SBF2: variants seen among roughly 807,000 people sequenced by gnomAD.
SBF2 encodes the protein SET binding factor 2.
Under a neutral mutation model 225.2 loss-of-function variants are expected in SBF2, and 112 were observed. The ratio of observed to expected loss-of-function variants is 0.50; its 90% CI spans 0.43 to 0.58. SBF2 has a LOEUF of 0.58. Among genes scored for constraint, SBF2 ranks in the 20% least tolerant of loss-of-function variants. The pLI, the probability that SBF2 is intolerant of heterozygous loss-of-function variation, is 0.00. For synonymous variants in SBF2, 763 were observed against 773.3 expected (o/e 0.99, Z 0.22); for missense variants, 1,996 against 2,206.2 (o/e 0.90, Z 1.91).
intron 27 of SBF2, among the ~76,000 whole-genome samples, chr11:9,830,015 G>A (rs1455663610): frequency 1.3e-5 from 2 of 152,214 alleles, no homozygotes; most frequent in East Asian, 1.9e-4. Flanking sequence ...AGCCTATAAA[G>A]ATTTGTAGAG....
chr11:10,043,778 T>G (rs974872791), intron 2 of SBF2, among the ~76,000 whole-genome samples: 36 of 152,136 alleles, frequency 2.4e-4, no homozygotes, highest in Non-Finnish European at 4.6e-4. Context: ...CTTTCCATGT[T>G]GTCCAGGCTG....
chr11:10,147,134 T>C (rs916395365), intron 2 of SBF2, among the ~76,000 whole-genome samples: 2 of 151,796 alleles, frequency 1.3e-5, no homozygotes, highest in South Asian at 2.1e-4. Flanking sequence ...TGTAAATTAG[T>C]TCAACCATTG....
chr11:10,004,517 A>C (rs1012749289), intron 6 of SBF2, among the ~76,000 whole-genome samples: 1 of 150,330 alleles, frequency 6.7e-6, no homozygotes, highest in Non-Finnish European at 1.5e-5. Context: ...TCAAGCTAGG[A>C]ACTGCACCAG....
chr11:10,103,966 C>T (rs1215563704), intron 2 of SBF2, among the ~76,000 whole-genome samples: 3 of 152,026 alleles, frequency 2.0e-5, no homozygotes, highest in African/African-American at 7.3e-5. Context: ...ACCTGGAGTC[C>T]ACCCTACTCA....
At chr11:10,230,080 T>C (rs1958764919) in intron 1 of SBF2, among the ~76,000 whole-genome samples, 1 of 152,166 alleles carries the variant, frequency 6.6e-6, no homozygotes, top group African/African-American at 2.4e-5. Context: ...GCCTTCTTTG[T>C]CTCTTTTGAT....
Position 9,998,386 on chromosome 11 carries a change from G to A in SBF2, c.862-7C>T, listed in dbSNP as rs1331644486. 3 of 1,478,070 alleles carry A rather than the reference G, an allele frequency of 2.0e-6. No homozygotes were observed. Among genetic ancestry groups the A allele is most frequent in the Admixed American group, 1.7e-5 (1 of 57,874 alleles). 91.6% of individuals were successfully genotyped at this position (1,478,070 alleles called of 1,614,324 possible). A position where few individuals can be genotyped will look rare whatever the true frequency, so the allele number is the denominator to read the frequency against. ...CTGCTATGATTACATCTAACTGAAA[G>A]AGATAAAAAAATTAACCTATAATTA... On this transcript the variant is annotated splice_polypyrimidine_tract_variant and splice_region_variant and intron_variant, in intron 8 of 39. Transcript: ENST00000256190.
At position 10,263,940 on chromosome 11, in the gene SBF2, A is replaced by G. The variant is rs141049324; in HGVS notation, c.55+30075T>C. On this transcript the variant is annotated intron_variant, in intron 1 of 39. Coordinates refer to ENST00000256190, the MANE Select transcript of SBF2 (RefSeq NM_030962.4). The stretch of plus-strand genomic sequence containing the variant: ...CCAAACAGGTCTTAACAATAACCTG[A>G]TAACTACAAAAATATTCATGATTTA... Among the ~76,000 whole-genome samples the G allele has an allele frequency of 1.6e-4, 24 of 152,348 alleles. No homozygotes were observed. In the East Asian group the frequency reaches 4.6e-3, roughly 29 times the overall value.
At chr11:10,023,663 T>C (rs1007174693) in intron 6 of SBF2, among the ~76,000 whole-genome samples, 4 of 152,198 alleles carry the variant, frequency 2.6e-5, no homozygotes, top group Non-Finnish European at 4.4e-5. Context: ...ACTTAGCATG[T>C]TTCCAAGATT....
intron 2 of SBF2, among the ~76,000 whole-genome samples, chr11:10,101,949 G>C (rs1487019644): frequency 6.6e-6 from 1 of 152,026 alleles, no homozygotes; most frequent in Non-Finnish European, 1.5e-5. Context: ...ACCAATACTA[G>C]ATGAAACTTT....
chr11:10,243,842 G>A lies in SBF2; in HGVS notation c.56-49855C>T, dbSNP rs183060285. On this transcript the variant is annotated intron_variant, in intron 1 of 39. Transcript: ENST00000256190. The stretch of plus-strand genomic sequence containing the variant: ...AACAAAGAAAAGGTCAAGACCAGAT[G>A]ACTTCAGGGATAAATTCTACCAAAC... Among the ~76,000 whole-genome samples, 4 of 152,216 alleles carry A rather than the reference G, an allele frequency of 2.6e-5. No individual in the cohort carries two copies. The East Asian group carries it at 7.7e-4, about 29-fold the overall frequency.
At chr11:9,857,430 G>T (rs1027634444) in intron 18 of SBF2, among the ~76,000 whole-genome samples, 1 of 152,148 alleles carries the variant, frequency 6.6e-6, no homozygotes, top group Non-Finnish European at 1.5e-5. Context: ...ATGATCAAAA[G>T]CACCCCCGAA....
At position 9,877,018 on chromosome 11, in the gene SBF2, C is replaced by T. The variant is rs151130187; in HGVS notation, c.1930-18622G>A. Among the ~76,000 whole-genome samples the T allele has an allele frequency of 6.6e-5, 10 of 152,296 alleles. No individual in the cohort carries two copies. In the East Asian group the frequency reaches 1.5e-3, roughly 24 times the overall value. ...CCTCCCAAAGTGTTGGGATTACAGG[C>T]GTGAGCCACTATGCCTGGCCTAGAA... On this transcript the variant is annotated intron_variant, in intron 17 of 39. Coordinates refer to ENST00000256190, the MANE Select transcript of SBF2 (RefSeq NM_030962.4).
intron 2 of SBF2, among the ~76,000 whole-genome samples, chr11:10,050,661 G>T (rs1049123789): frequency 3.9e-5 from 6 of 152,130 alleles, no homozygotes; most frequent in Non-Finnish European, 8.8e-5. Flanking sequence ...GATGAAAGGT[G>T]AATGACATAA....
At chr11:10,243,268 T>C (rs1959412693) in intron 1 of SBF2, among the ~76,000 whole-genome samples, 1 of 151,818 alleles carries the variant, frequency 6.6e-6, no homozygotes, top group South Asian at 2.1e-4. Context: ...TTAGAAAATA[T>C]CTTGAGACAA....
intron 2 of SBF2, among the ~76,000 whole-genome samples, chr11:10,147,243 G>A (rs1044109382): frequency 1.3e-5 from 2 of 151,876 alleles, no homozygotes; most frequent in African/African-American, 2.4e-5. Context: ...AGTATAACTC[G>A]TTCTATCATA....
chr11:10,260,331 C>A (rs1961297417), intron 1 of SBF2, among the ~76,000 whole-genome samples: 1 of 152,138 alleles, frequency 6.6e-6, no homozygotes, highest in Non-Finnish European at 1.5e-5. Context: ...CACCTGTAAT[C>A]CCAGCACTTT....
chr11:10,173,692 T>A (rs1365247933), intron 2 of SBF2, among the ~76,000 whole-genome samples: 2 of 152,024 alleles, frequency 1.3e-5, no homozygotes, highest in East Asian at 3.9e-4. Context: ...CTCTGTAGGC[T>A]CCACCTCTGG....
intron 18 of SBF2, among the ~76,000 whole-genome samples, chr11:9,857,083 G>A (rs188851508): frequency 9.6e-4 from 146 of 152,230 alleles, no homozygotes; most frequent in African/African-American, 3.4e-3. Flanking sequence ...AACCGCGCCC[G>A]GCCTAACATA....
intron 2 of SBF2, among the ~76,000 whole-genome samples, chr11:10,132,543 C>G (rs1397766170): frequency 6.8e-6 from 1 of 146,706 alleles, no homozygotes; most frequent in African/African-American, 2.5e-5. Flanking sequence ...TAAGGCAGCG[C>G]GTCTGGAGTT....
Sources: gnomAD v4.1 joint callset for allele counts (sites outside exome capture counted in the v4.1 genomes callset) on GRCh38, gnomAD v4.1.1 for gene constraint, MANE v1.5 for transcripts, NCBI Gene and HGNC (gene_info 2026-07-23, HGNC 2026-07-21) for gene names.